Variants in HS6ST3 observed in about 807,000 individuals in gnomAD.
HS6ST3 encodes the protein heparan-sulfate 6-O-sulfotransferase 3.
Under a neutral mutation model 36.7 loss-of-function variants are expected in HS6ST3, and 12 were observed. The ratio of observed to expected loss-of-function variants is 0.33; its 90% confidence interval spans 0.21 to 0.53. The LOEUF (loss-of-function observed/expected upper bound fraction) is 0.53, where lower values mean the gene tolerates loss of function less well. HS6ST3 is among the 20% of genes least tolerant of loss of function. The pLI is 0.95. For synonymous variants in HS6ST3, 240 were observed against 257.5 expected (o/e 0.93, Z 0.65); for missense variants, 584 against 640.9 (o/e 0.91, Z 0.96).
At chr13:96,431,176 C>G (rs1314952991) in intron 1 of HS6ST3, among the ~76,000 whole-genome samples, 1 of 151,988 alleles carries the variant, frequency 6.6e-6, no homozygotes, top group Non-Finnish European at 1.5e-5. Context: ...TGCGCTCCAG[C>G]CTGGGAGACA....
At chr13:96,372,480 G>C (rs182275707) in intron 1 of HS6ST3, among the ~76,000 whole-genome samples, 1 of 152,160 alleles carries the variant, frequency 6.6e-6, no homozygotes, top group Admixed American at 6.5e-5. Flanking sequence ...GAAATTTTTA[G>C]TTTGATGTAG....
chr13:96,196,563 A>G (rs7987437), intron 1 of HS6ST3, among the ~76,000 whole-genome samples: 144,267 of 152,300 alleles, frequency 0.95, 68,438 homozygotes, highest in African/African-American at 0.97. Flanking sequence ...CCATGGGACC[A>G]GTGAATGCTT....
At chr13:96,541,905 A>T (rs921017635) in intron 1 of HS6ST3, among the ~76,000 whole-genome samples, 6 of 152,190 alleles carry the variant, frequency 3.9e-5, no homozygotes, top group Non-Finnish European at 5.9e-5. Flanking sequence ...ACAATTTACC[A>T]GTTGCTTTTC....
chr13:96,433,052 C>A (rs1255098220), intron 1 of HS6ST3, among the ~76,000 whole-genome samples: 2 of 152,140 alleles, frequency 1.3e-5, no homozygotes, highest in Non-Finnish European at 2.9e-5. Flanking sequence ...GGAATACTAG[C>A]TAAAGTCATA....
intron 1 of HS6ST3, among the ~76,000 whole-genome samples, chr13:96,212,263 T>C (rs972890717): frequency 5.9e-5 from 9 of 152,230 alleles, no homozygotes; most frequent in Non-Finnish European, 8.8e-5. Context: ...GTTATATACG[T>C]TAGGCACATA....
intron 1 of HS6ST3, among the ~76,000 whole-genome samples, chr13:96,313,789 G>C (rs2054953702): frequency 2.0e-5 from 3 of 152,208 alleles, no homozygotes; most frequent in Admixed American, 2.0e-4. Context: ...ATAGAAACCA[G>C]AAAGAAGTTA....
At chr13:96,282,358 G>T (rs1189988848) in intron 1 of HS6ST3, among the ~76,000 whole-genome samples, 3 of 152,154 alleles carry the variant, frequency 2.0e-5, no homozygotes, top group Admixed American at 2.0e-4. Flanking sequence ...CCAGGTGAAG[G>T]TCAACATCCA....
At chr13:96,212,942 A>C (rs1387192878) in intron 1 of HS6ST3, among the ~76,000 whole-genome samples, 1 of 152,246 alleles carries the variant, frequency 6.6e-6, no homozygotes, top group East Asian at 1.9e-4. Flanking sequence ...AAAAGAGAAG[A>C]AATTTTCACC....
chr13:96,663,363 A>C (rs1339936255), intron 1 of HS6ST3, among the ~76,000 whole-genome samples: 1 of 152,192 alleles, frequency 6.6e-6, no homozygotes, highest in Non-Finnish European at 1.5e-5. Flanking sequence ...ATATTTTACC[A>C]AAGAAGTCAT....
intron 1 of HS6ST3, among the ~76,000 whole-genome samples, chr13:96,169,258 C>A (rs1300842992): frequency 2.6e-4 from 6 of 22,898 alleles, no homozygotes; most frequent in Admixed American, 1.1e-3. Context: ...TCCAGTGTGG[C>A]ATTTTTTTTT....
intron 1 of HS6ST3, among the ~76,000 whole-genome samples, chr13:96,455,861 C>G (rs1026669904): frequency 3.3e-5 from 5 of 152,152 alleles, no homozygotes; most frequent in African/African-American, 9.7e-5. Context: ...AAACAGAAAG[C>G]CTGTGCTTTT....
At chr13:96,806,259 T>C (rs1296104618) in intron 1 of HS6ST3, among the ~76,000 whole-genome samples, 1 of 152,192 alleles carries the variant, frequency 6.6e-6, no homozygotes, top group Non-Finnish European at 1.5e-5. Flanking sequence ...CCCAGAATAA[T>C]GTATAATCAA....
intron 1 of HS6ST3, among the ~76,000 whole-genome samples, chr13:96,503,416 A>T (rs1210946838): frequency 1.3e-5 from 2 of 152,206 alleles, no homozygotes; most frequent in Non-Finnish European, 2.9e-5. Flanking sequence ...TTAGCAACAC[A>T]CTAGAGTATT....
intron 1 of HS6ST3, among the ~76,000 whole-genome samples, chr13:96,748,471 G>T (rs1321910683): frequency 6.6e-6 from 1 of 152,094 alleles, no homozygotes; most frequent in Non-Finnish European, 1.5e-5. Context: ...TTTGGTCCTG[G>T]CTAATGAGTT....
intron 1 of HS6ST3, among the ~76,000 whole-genome samples, chr13:96,529,245 AGG>A (rs1485642528): frequency 6.6e-6 from 1 of 152,146 alleles, no homozygotes; most frequent in African/African-American, 2.4e-5. Flanking sequence ...ATTTAAGCAT[AGG>A]GTATGACAAA....
chr13:96,679,778 T>A (rs536869081), intron 1 of HS6ST3, among the ~76,000 whole-genome samples: 132 of 152,260 alleles, frequency 8.7e-4, no homozygotes, highest in African/African-American at 3.0e-3. Context: ...AGCAGATTGT[T>A]CTTTGAGGTA....
chr13:96,281,363 A>T (rs2054775242), intron 1 of HS6ST3, among the ~76,000 whole-genome samples: 1 of 152,198 alleles, frequency 6.6e-6, no homozygotes, highest in South Asian at 2.1e-4. Flanking sequence ...AAAATCAGCC[A>T]GTTTCTCATA....
intron 1 of HS6ST3, among the ~76,000 whole-genome samples, chr13:96,715,210 A>G (rs898765177): frequency 1.3e-5 from 2 of 152,162 alleles, no homozygotes; most frequent in African/African-American, 2.4e-5. Flanking sequence ...TTGGCAAACT[A>G]GTTACTTAAA....
intron 1 of HS6ST3, among the ~76,000 whole-genome samples, chr13:96,194,023 T>G (rs1395718510): frequency 6.6e-6 from 1 of 152,200 alleles, no homozygotes; most frequent in Non-Finnish European, 1.5e-5. Context: ...ACGTTTACAA[T>G]GGGCTAAGCG....
Sources: allele counts gnomAD v4.1 joint callset (sites outside exome capture counted in the v4.1 genomes callset), GRCh38; gene constraint gnomAD v4.1.1; transcripts MANE v1.5; gene names NCBI Gene and HGNC (gene_info 2026-07-23, HGNC 2026-07-21).